SLC4A10: variants seen among roughly 807,000 people sequenced by gnomAD.
The protein encoded by SLC4A10 is sodium-driven chloride bicarbonate exchanger.
In SLC4A10, 42 loss-of-function variants were observed where a neutral mutation model predicts 137.7. The observed-to-expected ratio is 0.30, with a 90% CI of 0.24 to 0.39. SLC4A10 has a LOEUF of 0.39. Ranked by LOEUF, SLC4A10 falls within the 10% of genes least tolerant of loss-of-function variation. The pLI is 1.00. For synonymous variants in SLC4A10, 474 were observed against 464.1 expected (o/e 1.02, Z -0.27); for missense variants, 925 against 1,355.0 (o/e 0.68, Z 4.98).
chr2:161,870,429 T>G lies in SLC4A10; in HGVS notation c.767-1864T>G, dbSNP rs918535390. Reference sequence around the variant, plus strand: ...CTAAATAATTGTTCTTCCATGTAGATTTATACCACACGAAATGAATTATTA... The same window carrying G: ...CTAAATAATTGTTCTTCCATGTAGAGTTATACCACACGAAATGAATTATTA... On this transcript the variant is annotated intron_variant, in intron 6 of 26. Coordinates refer to ENST00000446997, the MANE Select transcript of SLC4A10 (RefSeq NM_001178015.2). Among the ~76,000 whole-genome samples, 13 of 151,776 alleles carry G rather than the reference T, an allele frequency of 8.6e-5. 1 individual carries two copies. The highest frequency in any genetic ancestry group is 7.9e-4 in the Admixed American group (12 of 15,240).
At chr2:161,828,706 C>T (rs1051872566) in intron 3 of SLC4A10, among the ~76,000 whole-genome samples, 7 of 136,718 alleles carry the variant, frequency 5.1e-5, no homozygotes, top group African/African-American at 8.0e-5. Flanking sequence ...ACTGCTTACC[C>T]GGGATCTTAA....
intron 1 of SLC4A10, among the ~76,000 whole-genome samples, chr2:161,731,401 A>G (rs1005462698): frequency 6.6e-6 from 1 of 152,178 alleles, no homozygotes; most frequent in Non-Finnish European, 1.5e-5. Context: ...AATAACAATA[A>G]ACACATGTTA....
At chr2:161,831,562 T>A (rs1003357150) in intron 3 of SLC4A10, among the ~76,000 whole-genome samples, 1 of 152,176 alleles carries the variant, frequency 6.6e-6, no homozygotes, top group Non-Finnish European at 1.5e-5. Context: ...ATGAATTTTT[T>A]TCTGGCTAGA....
chr2:161,725,850 C>T (rs1408345314), intron 1 of SLC4A10, among the ~76,000 whole-genome samples: 4 of 152,184 alleles, frequency 2.6e-5, no homozygotes, highest in Non-Finnish European at 5.9e-5. Context: ...TTGGTTTTAG[C>T]ATAAGTTAGT....
intron 1 of SLC4A10, among the ~76,000 whole-genome samples, chr2:161,626,271 A>G (rs1250640530): frequency 6.6e-6 from 1 of 152,108 alleles, no homozygotes; most frequent in Non-Finnish European, 1.5e-5. Context: ...ACTTGTGGGG[A>G]ACAGTTAAAG....
chr2:161,920,921 C>G (rs1688018227), intron 15 of SLC4A10, among the ~76,000 whole-genome samples: 3 of 152,212 alleles, frequency 2.0e-5, no homozygotes. Context: ...GGTCCCTACT[C>G]TGAAAGACCT....
chr2:161,693,460 T>C (rs1467121217), intron 1 of SLC4A10, among the ~76,000 whole-genome samples: 1 of 152,056 alleles, frequency 6.6e-6, no homozygotes, highest in Non-Finnish European at 1.5e-5. Context: ...GTGGGCCAAC[T>C]GTGCTCATAA....
intron 15 of SLC4A10, among the ~76,000 whole-genome samples, chr2:161,915,632 C>T (rs1407541382): frequency 6.6e-6 from 1 of 151,744 alleles, no homozygotes; most frequent in South Asian, 2.1e-4. Context: ...CACCTGGACA[C>T]TGCCACAGAG....
intron 1 of SLC4A10, among the ~76,000 whole-genome samples, chr2:161,640,526 T>G (rs1351076977): frequency 1.3e-5 from 2 of 152,224 alleles, no homozygotes; most frequent in African/African-American, 4.8e-5. Context: ...TTACTAACTT[T>G]CTTTTGTATT....
chr2:161,793,956 A>G (rs1003778241), intron 2 of SLC4A10, among the ~76,000 whole-genome samples: 1 of 152,164 alleles, frequency 6.6e-6, no homozygotes, highest in East Asian at 1.9e-4. Flanking sequence ...TATAGCATAA[A>G]AAAATTTTAT....
chr2:161,805,351 C>T (rs1046108518), intron 3 of SLC4A10, among the ~76,000 whole-genome samples: 14 of 152,162 alleles, frequency 9.2e-5, no homozygotes, highest in African/African-American at 3.4e-4. Flanking sequence ...CCTCCCAAAT[C>T]TCATGTCCTC....
intron 3 of SLC4A10, among the ~76,000 whole-genome samples, chr2:161,837,494 A>G (rs2058891539): frequency 6.6e-6 from 1 of 152,212 alleles, no homozygotes; most frequent in Admixed American, 6.5e-5. Context: ...TGGAAAAATC[A>G]TTACACTTAA....
chr2:161,735,610 G>T (rs1218746722), intron 1 of SLC4A10, among the ~76,000 whole-genome samples: 1 of 152,126 alleles, frequency 6.6e-6, no homozygotes, highest in East Asian at 1.9e-4. Context: ...GGCCCATCTG[G>T]GTGCCAAGTT....
intron 1 of SLC4A10, among the ~76,000 whole-genome samples, chr2:161,731,918 G>C (rs1399712432): frequency 6.6e-6 from 1 of 152,014 alleles, no homozygotes; most frequent in African/African-American, 2.4e-5. Context: ...TATATTCTCT[G>C]ATTTCTTATT....
intron 10 of SLC4A10, 74 bp from the exon 11 acceptor site, chr2:161,894,605 G>A: frequency 1.2e-6 from 1 of 803,920 alleles, no homozygotes. Flanking sequence ...AGATAACTGA[G>A]TTGAAAACAC....
chr2:161,830,177 A>T (rs116216281), intron 3 of SLC4A10, among the ~76,000 whole-genome samples: 406 of 151,032 alleles, frequency 2.7e-3, no homozygotes, highest in African/African-American at 8.7e-3. Context: ...AAAAAAAAAA[A>T]TAACAACAAC....
rs564859185 is a variant in SLC4A10 at position 161,818,068 on chromosome 2, G to C, written c.277+13473G>C. Reference sequence around the variant, plus strand: ...GGTATTGAATCTATAAATTACCTTGGGCAATATGGCCATTTTCATGATATT... The same window carrying C: ...GGTATTGAATCTATAAATTACCTTGCGCAATATGGCCATTTTCATGATATT... On this transcript the variant is annotated intron_variant, in intron 3 of 26. Coordinates refer to ENST00000446997, the MANE Select transcript of SLC4A10 (RefSeq NM_001178015.2). 7.9e-5 allele frequency among the ~76,000 whole-genome samples: 12 copies of C among 152,118 alleles called. No homozygotes were observed. The East Asian group carries it at 2.1e-3, about 27-fold the overall frequency.
chr2:161,975,834 G>A (rs2105981139), intron 24 of SLC4A10, among the ~76,000 whole-genome samples: 1 of 152,368 alleles, frequency 6.6e-6, no homozygotes, highest in African/African-American at 2.4e-5. Context: ...CATGCCCATT[G>A]TGTTCCAGAA....
chr2:161,946,452 G>A (rs1693820304), intron 16 of SLC4A10, among the ~76,000 whole-genome samples: 1 of 152,088 alleles, frequency 6.6e-6, no homozygotes, highest in Non-Finnish European at 1.5e-5. Context: ...GGCAGACTCT[G>A]TGTTTGTGAT....
Sources: allele counts gnomAD v4.1 joint callset (sites outside exome capture counted in the v4.1 genomes callset), GRCh38; gene constraint gnomAD v4.1.1; transcripts MANE v1.5; gene names NCBI Gene and HGNC (gene_info 2026-07-23, HGNC 2026-07-21).